Variants in RSF1 observed in about 807,000 individuals in gnomAD.
RSF1 encodes remodeling and spacing factor 1.
RSF1 carries 13 observed loss-of-function variants against 145.2 expected under a neutral mutation model. That is an observed-to-expected ratio of 0.09 (90% CI 0.06 to 0.14). The LOEUF (loss-of-function observed/expected upper bound fraction) is 0.14. RSF1 is among the 10% of genes least tolerant of loss of function. The pLI is 1.00. For synonymous variants in RSF1, 577 were observed against 592.6 expected (o/e 0.97, Z 0.38); for missense variants, 1,517 against 1,718.2 (o/e 0.88, Z 2.07).
At chr11:77,807,378 A>G (rs1948687592) in intron 1 of RSF1, among the ~76,000 whole-genome samples, 1 of 152,246 alleles carries the variant, frequency 6.6e-6, no homozygotes, top group African/African-American at 2.4e-5. Context: ...TACTCTAAAC[A>G]GTAGTTATAC....
the RSF1 span, among the ~76,000 whole-genome samples, chr11:77,852,163 CAGG>C: frequency 7.9e-6 from 1 of 126,430 alleles, no homozygotes; most frequent in Non-Finnish European, 1.6e-5. Flanking sequence ...CACTTGTGCC[CAGG>C]AGGTCAAGGC....
chr11:77,845,447 G>T, the RSF1 span, among the ~76,000 whole-genome samples: 1 of 151,046 alleles, frequency 6.6e-6, no homozygotes, highest in African/African-American at 2.4e-5. Flanking sequence ...TTTTTGGTGG[G>T]GGGGATAGAC....
chr11:77,662,694 T>C lies in RSF1; in HGVS notation c.*4223A>G, dbSNP rs1959258121. On this transcript the variant is annotated 3_prime_UTR_variant, in exon 16 of 16. Coordinates refer to ENST00000308488, the MANE Select transcript of RSF1 (RefSeq NM_016578.4). The stretch of plus-strand genomic sequence containing the variant: ...ATCAGTTAACTTGCCACTTCCAAGG[T>C]AGGTTTACAGGCACACACTTTGGGA... 6.6e-6 allele frequency: 1 copy of C among 152,078 alleles called. No homozygotes were observed. The highest frequency in any genetic ancestry group is 2.1e-4 in the South Asian group (1 of 4,832). The allele number at this position is 152,078 out of a possible 1,614,324, so 9.4% of individuals were successfully genotyped here.
the RSF1 span, among the ~76,000 whole-genome samples, chr11:77,853,970 C>A: frequency 6.8e-6 from 1 of 147,344 alleles, no homozygotes; most frequent in African/African-American, 2.5e-5. Flanking sequence ...TACAACCATG[C>A]CTTCCCAACA....
intron 2 of RSF1, among the ~76,000 whole-genome samples, chr11:77,749,093 T>A (rs1948033213): frequency 2.6e-5 from 4 of 152,294 alleles, no homozygotes; most frequent in Admixed American, 2.6e-4. Flanking sequence ...ATATGAAGTG[T>A]CCAGAATAGT....
chr11:77,737,143 G>A (rs1374997111), intron 4 of RSF1, among the ~76,000 whole-genome samples: 2 of 152,158 alleles, frequency 1.3e-5, no homozygotes, highest in Non-Finnish European at 2.9e-5. Flanking sequence ...GAAATTTGTG[G>A]TTGTGAAAAT....
Position 77,702,436 on chromosome 11 carries a change from G to C in RSF1, c.793C>G (p.Arg265Gly). Reference protein sequence around the residue: ...SEEQPMDLENRSTANVLEETT... With the variant: ...SEEQPMDLENGSTANVLEETT... ...TCTTCTAGAACATTGGCTGTAGAAC[G>C]GTTTTCTAAATCCATAGGCTGCTCC... Residue 265 changes from arginine to glycine, a missense_variant, in exon 6 of 16, where the codon CGT becomes GGT. Coordinates refer to ENST00000308488, the MANE Select transcript of RSF1 (RefSeq NM_016578.4). 6.3e-7 allele frequency: 1 copy of C among 1,578,480 alleles called. No homozygotes were observed. Among genetic ancestry groups the C allele is most frequent in the Non-Finnish European group, 8.5e-7 (1 of 1,170,778 alleles).
chr11:77,701,309 T>C lies in RSF1; in HGVS notation c.1920A>G (p.Lys640=). ...PPSNIIDHCE[K]LASEKEVVEC... ...CTACCACTTCTTTTTCTGAGGCTAG[T>C]TTCTCACAGTGGTCAATGATATTAG... The change falls in exon 6 of 16, where the codon AAA becomes AAG. Residue 640 remains lysine, a synonymous_variant. Transcript: ENST00000308488. 6.2e-7 allele frequency: 1 copy of C among 1,614,136 alleles called. No homozygotes were observed. The highest frequency in any genetic ancestry group is 8.5e-7 in the Non-Finnish European group (1 of 1,180,028).
At chr11:77,846,436 TG>T in the RSF1 span, among the ~76,000 whole-genome samples, 1 of 152,226 alleles carries the variant, frequency 6.6e-6, no homozygotes, top group Non-Finnish European at 1.5e-5. Flanking sequence ...CTGGCCAACA[TG>T]GTGAAACCCC....
chr11:77,758,974 T>A (rs1437654296), intron 2 of RSF1, among the ~76,000 whole-genome samples: 1 of 152,222 alleles, frequency 6.6e-6, no homozygotes, highest in Non-Finnish European at 1.5e-5. Flanking sequence ...AATCTATTTT[T>A]TATGTTGTTG....
At chr11:77,832,329 A>G in the RSF1 span, among the ~76,000 whole-genome samples, 4 of 73,770 alleles carry the variant, frequency 5.4e-5, no homozygotes, top group African/African-American at 3.7e-4. Context: ...AAATAGAGGA[A>G]CTTTTTTTTT....
intron 1 of RSF1, among the ~76,000 whole-genome samples, chr11:77,819,197 C>T (rs1056290647): frequency 1.3e-5 from 2 of 152,200 alleles, no homozygotes; most frequent in Non-Finnish European, 2.9e-5. Context: ...AGCTATCTGT[C>T]TTGTACAATA....
intron 1 of RSF1, among the ~76,000 whole-genome samples, chr11:77,765,770 G>A (rs558035367): frequency 1.2e-4 from 19 of 152,138 alleles, no homozygotes; most frequent in African/African-American, 4.3e-4. Flanking sequence ...CTTTTGAAAC[G>A]GTATCTCACT....
intron 1 of RSF1, among the ~76,000 whole-genome samples, chr11:77,773,358 T>G (rs1260064884): frequency 6.6e-6 from 1 of 152,008 alleles, no homozygotes; most frequent in African/African-American, 2.4e-5. Context: ...TATTTCCCAA[T>G]CTATTCTTAC....
At chr11:77,820,106 A>G (rs1023638541) in intron 1 of RSF1, among the ~76,000 whole-genome samples, 1 of 151,816 alleles carries the variant, frequency 6.6e-6, no homozygotes, top group African/African-American at 2.4e-5. Context: ...TGGTGGGAGG[A>G]GGGGAGGGAG....
chr11:77,719,405 A>G lies in RSF1; in HGVS notation c.733+6140T>C, dbSNP rs182718270. On this transcript the variant is annotated intron_variant, in intron 5 of 15. Coordinates refer to ENST00000308488, the MANE Select transcript of RSF1 (RefSeq NM_016578.4). ...GTTAACTACACTGTAAGAAAAAAAT[A>G]TAAGTCCAAGCACCTGAGACTAAGC... Among the ~76,000 whole-genome samples, 499 of 152,336 alleles carry G rather than the reference A, an allele frequency of 3.3e-3. 6 individuals carry two copies. The highest frequency in any genetic ancestry group is 0.012 in the African/African-American group (480 of 41,578).
At chr11:77,667,624 T>C in intron 15 of RSF1, 133 bp from the exon 16 acceptor site, 1 of 725,826 alleles carries the variant, frequency 1.4e-6, no homozygotes, top group Non-Finnish European at 2.2e-6. Flanking sequence ...TTTCAATAAT[T>C]GGCCTGATTT....
chr11:77,768,551 G>C (rs1948250445), intron 1 of RSF1, among the ~76,000 whole-genome samples: 1 of 152,130 alleles, frequency 6.6e-6, no homozygotes, highest in African/African-American at 2.4e-5. Context: ...ATTTCACATT[G>C]ACAGCACATC....
chr11:77,737,621 GGTGTGTGTGTGTGTGTGTGTGTGTGTGT>G (rs1170824350), intron 4 of RSF1, among the ~76,000 whole-genome samples: 8 of 93,494 alleles, frequency 8.6e-5, no homozygotes, highest in Admixed American at 2.4e-4. Context: ...TGTTTTGGGG[GGTGTGTGTGTGTGTGTGTGTGTGTGTGT>G]GTGTGTGTGT....
Sources: gnomAD v4.1 joint callset for allele counts (sites outside exome capture counted in the v4.1 genomes callset) on GRCh38, gnomAD v4.1.1 for gene constraint, MANE v1.5 for transcripts, NCBI Gene and HGNC (gene_info 2026-07-23, HGNC 2026-07-21) for gene names.